The following COL1A1 variants were observed in gnomAD, a reference collection of about 807,000 sequenced individuals.
COL1A1 encodes the protein collagen alpha-1(I) chain.
COL1A1 carries 21 observed loss-of-function variants against 195.7 expected under a neutral mutation model. That is an observed-to-expected ratio of 0.11 (90% CI 0.08 to 0.15). The LOEUF is 0.15. Ranked by LOEUF, COL1A1 falls within the 10% of genes least tolerant of loss-of-function variation. The pLI is 1.00. For synonymous variants in COL1A1, 749 were observed against 747.3 expected, an observed-to-expected ratio of 1.00 and a Z score of -0.04; for missense variants, 1,365 against 2,051.0, an observed-to-expected ratio of 0.67 and a Z score of 6.46.
chr17:50,196,392 A>T lies in COL1A1; in HGVS notation c.904-25T>A. On this transcript the variant is annotated intron_variant, in intron 13 of 50. Transcript: ENST00000225964. ...CCTGACAACCAAACCAAGAGAAGTC[A>T]GATGAGATGGGAGACAGCCTTGTTC... The T allele has an allele frequency of 3.1e-6, 5 of 1,614,084 alleles. No individual in the cohort carries two copies. Among genetic ancestry groups the T allele is most frequent in the Non-Finnish European group, 3.4e-6 (4 of 1,179,958 alleles).
chr17:50,190,614 G>A lies in COL1A1; in HGVS notation c.2344-18C>T, dbSNP rs1283280581. ...CTTTCACCCTGAGAGCAAGGGACAA[G>A]AGGCTCAGGGTCAGGGCCTCCCCTG... On this transcript the variant is annotated intron_variant, in intron 33 of 50. Transcript: ENST00000225964. The surrounding 1 kb of genome is among the most constrained non-coding windows in gnomAD (Gnocchi z 4.7). 9.3e-6 allele frequency: 15 copies of A among 1,612,686 alleles called. No individual in the cohort carries two copies. Among genetic ancestry groups the A allele is most frequent in the Non-Finnish European group, 1.2e-5 (14 of 1,179,184 alleles).
chr17:50,198,299 C>A (rs1025305044), intron 6 of COL1A1, 94 bp from the exon 7 acceptor site: 2 of 1,566,930 alleles, frequency 1.3e-6, no homozygotes, highest in Non-Finnish European at 1.8e-6. Flanking sequence ...ACCCAGTCGT[C>A]CTGCATCCTT....
In COL1A1 at chr17:50,194,927, TG is replaced by T; in HGVS notation, c.1354-100del. The T allele has an allele frequency of 4.1e-6, 6 of 1,476,340 alleles. No individual in the cohort carries two copies. The highest frequency in any genetic ancestry group is 4.7e-6 in the Non-Finnish European group (5 of 1,063,814). 91.5% of individuals were successfully genotyped at this position (1,476,340 alleles called of 1,614,324 possible). Reference sequence around the variant, plus strand: ...CTGGGCCTCCAGTGTCAGGGGTTCCTGGGGGTGTGGCAGGGACTCCCCCAGA... The same window carrying T: ...CTGGGCCTCCAGTGTCAGGGGTTCCTGGGGTGTGGCAGGGACTCCCCCAGA... On this transcript the variant is annotated intron_variant, in intron 20 of 50. Transcript: ENST00000225964. This position sits in a 1 kb window ranked among gnomAD's most constrained non-coding sequence, Gnocchi z 6.8.
At chr17:50,192,179 C>T (rs893654543) in intron 29 of COL1A1, 155 bp from the exon 30 acceptor site, 17 of 851,104 alleles carry the variant, frequency 2.0e-5, no homozygotes, top group Non-Finnish European at 3.0e-5. Context: ...CCCCTCTCTT[C>T]CTCCTAGGGA....
rs1013668710 is a variant in COL1A1 at position 50,184,803 on chromosome 17, G to A, written c.*699C>T. ...GGATTGACACGCGTTCCCCAAATCC[G>A]ATGTTTCTGCTTTGTCGTGGCCCTT... On this transcript the variant is annotated 3_prime_UTR_variant, in exon 51 of 51. Coordinates refer to ENST00000225964, the MANE Select transcript of COL1A1 (RefSeq NM_000088.4). The A allele has an allele frequency of 1.5e-5, 3 of 197,582 alleles. No individual in the cohort carries two copies. Among genetic ancestry groups the A allele is most frequent in the East Asian group, 1.3e-4 (2 of 15,652 alleles). 12.2% of individuals were successfully genotyped at this position (197,582 alleles called of 1,614,324 possible).
Position 50,191,962 on chromosome 17 carries a change from CGA to C in COL1A1, c.2028+16_2028+17del. The C allele has an allele frequency of 1.2e-6, 2 of 1,611,648 alleles. No individual in the cohort carries two copies. The highest frequency in any genetic ancestry group is 1.7e-4 in the Middle Eastern group (1 of 6,050). On this transcript the variant is annotated intron_variant, in intron 30 of 50. Transcript: ENST00000225964. ...GTACGACGCACCTTGACGGATGCAG[CGA>C]GAGAGGCCTACTTACTCTTGCTCCA... is the stretch of plus-strand genomic sequence containing the variant.
rs1458162711 is a variant in COL1A1 at position 50,194,163 on chromosome 17, G to A, written c.1635C>T (p.Gly545=). 1 of 1,613,812 alleles carries A rather than the reference G, an allele frequency of 6.2e-7. No homozygotes were observed. Residue 545 remains glycine, a synonymous_variant, in exon 24 of 51, where the codon GGC becomes GGT. Coordinates refer to ENST00000225964, the MANE Select transcript of COL1A1 (RefSeq NM_000088.4). The surrounding 1 kb of genome is among the most constrained non-coding windows in gnomAD (Gnocchi z 6.8). ...PGAKGLTGSP[G]SPGPDGKTGP... is the part of the protein sequence containing the mutation. Reference sequence around the variant, plus strand: ...CAGTTTTGCCATCAGGACCAGGGCTGCCAGGGCTTCCAGTCAGACCCTAGG... The same window carrying A: ...CAGTTTTGCCATCAGGACCAGGGCTACCAGGGCTTCCAGTCAGACCCTAGG...
chr17:50,194,577 G>A lies in COL1A1; in HGVS notation c.1511C>T (p.Pro504Leu). 1 of 1,586,706 alleles carries A rather than the reference G, an allele frequency of 6.3e-7. No homozygotes were observed. Among genetic ancestry groups the A allele is most frequent in the Non-Finnish European group, 8.6e-7 (1 of 1,166,474 alleles). The change falls in exon 22 of 51, where the codon CCC becomes CTC. Residue 504 changes from proline to leucine, a missense_variant. Physicochemically the swap from Pro to Leu is moderately conservative, Grantham distance 98. Transcript: ENST00000225964. The surrounding 1 kb of genome is among the most constrained non-coding windows in gnomAD (Gnocchi z 6.8). ...GFPGADGVAG[P>L]KGPAGERGSP... Reference sequence around the variant, plus strand: ...CCGGCCGCAAGGAGAGGTTACCTTGGGACCAGCAACACCATCTGCGCCAGG... The same window carrying A: ...CCGGCCGCAAGGAGAGGTTACCTTGAGACCAGCAACACCATCTGCGCCAGG...
chr17:50,189,821 G>A lies in COL1A1; in HGVS notation c.2613+38C>T. The A allele has an allele frequency of 6.2e-7, 1 of 1,612,498 alleles. No homozygotes were observed. The highest frequency in any genetic ancestry group is 8.5e-7 in the Non-Finnish European group (1 of 1,179,152). On this transcript the variant is annotated intron_variant, in intron 37 of 50. Coordinates refer to ENST00000225964, the MANE Select transcript of COL1A1 (RefSeq NM_000088.4). This position sits in a 1 kb window ranked among gnomAD's most constrained non-coding sequence, Gnocchi z 5.5. ...CTCACCTGCCACCGCTGCCTGGGGA[G>A]AGGGGAGAGGCTCAACAGAGAGGCG...
At chr17:50,187,787 T>C in intron 45 of COL1A1, 89 bp downstream of exon 45, 1 of 1,270,200 alleles carries the variant, frequency 7.9e-7, no homozygotes, top group Non-Finnish European at 1.1e-6. Flanking sequence ...GGGGAAAGAA[T>C]GACTATCCAG....
Position 50,194,108 on chromosome 17 carries a change from G to C in COL1A1, c.1668+22C>G, listed in dbSNP as rs1442457728. The C allele has an allele frequency of 6.2e-7, 1 of 1,612,540 alleles. No individual in the cohort carries two copies. Among genetic ancestry groups the C allele is most frequent in the Non-Finnish European group, 8.5e-7 (1 of 1,178,714 alleles). On this transcript the variant is annotated intron_variant, in intron 24 of 50. Coordinates refer to ENST00000225964, the MANE Select transcript of COL1A1 (RefSeq NM_000088.4). The surrounding 1 kb of genome is among the most constrained non-coding windows in gnomAD (Gnocchi z 6.8). ...GAGGCAGACAGGACAATGGCAGGGGGTTCAGGGGGAGTGATACTTACAGGG... is the reference window on the plus strand; with the variant it reads ...GAGGCAGACAGGACAATGGCAGGGGCTTCAGGGGGAGTGATACTTACAGGG...
chr17:50,199,073 G>C lies in COL1A1; in HGVS notation c.471+153C>G, dbSNP rs560264050. Among the ~76,000 whole-genome samples the C allele has an allele frequency of 5.3e-5, 8 of 152,342 alleles. No individual in the cohort carries two copies. In the South Asian group the frequency reaches 1.2e-3, roughly 24 times the overall value. On this transcript the variant is annotated intron_variant, in intron 5 of 50. Coordinates refer to ENST00000225964, the MANE Select transcript of COL1A1 (RefSeq NM_000088.4). ...ATAAACAGAGACTAATAAAGCACAT[G>C]TCACAAACTGTGAAGGGTATGTGAG...
At chr17:50,201,299 T>C in intron 1 of COL1A1, 112 bp downstream of exon 1, 3 of 995,320 alleles carry the variant, frequency 3.0e-6, no homozygotes, top group Non-Finnish European at 4.6e-6. Flanking sequence ...TCATCTCCCT[T>C]CCATTCCCGA....
Position 50,186,039 on chromosome 17 carries a change from AG to A in COL1A1, c.4006-20del, listed in dbSNP as rs1194886388. ...ACTCGAACTGCAGGGGAGGGGAGAG[AG>A]GGAAGAGTGAGCCGCTATGCGGGAA... On this transcript the variant is annotated intron_variant, in intron 49 of 50. Transcript: ENST00000225964. The surrounding 1 kb of genome is among the most constrained non-coding windows in gnomAD (Gnocchi z 5.3). 5.0e-6 allele frequency: 8 copies of A among 1,611,176 alleles called. No individual in the cohort carries two copies. Among genetic ancestry groups the A allele is most frequent in the Admixed American group, 1.7e-5 (1 of 60,008 alleles).
Position 50,185,997 on chromosome 17 carries a change from G to A in COL1A1, c.4029C>T (p.Ser1343=), listed in dbSNP as rs770279565. 16 of 1,612,688 alleles carry A rather than the reference G, an allele frequency of 9.9e-6. No homozygotes were observed. The highest frequency in any genetic ancestry group is 5.3e-5 in the African/African-American group (4 of 74,918). Residue 1343 remains serine, a synonymous_variant, in exon 50 of 51, where the codon TCC becomes TCT. Transcript: ENST00000225964. The stretch of plus-strand genomic sequence containing the variant: ...GCTGGATGGCCACATCGGCAGGGTC[G>A]GAGCCCTGGCCGCCATACTCGAACT... ...GFQFEYGGQG[S]DPADVAIQLT...
chr17:50,191,638 A>AG, intron 31 of COL1A1, 148 bp from the exon 32 acceptor site: 1 of 1,103,114 alleles, frequency 9.1e-7, no homozygotes, highest in East Asian at 2.5e-5. Context: ...CCCAGACTCC[A>AG]GGCTGTGTGT....
At chr17:50,187,803 G>A in intron 45 of COL1A1, 73 bp downstream of exon 45, 8 of 1,371,104 alleles carry the variant, frequency 5.8e-6, no homozygotes, top group Non-Finnish European at 7.1e-6. Context: ...TCCAGAGGGG[G>A]AAACTGAGGC....
At chr17:50,187,801 G>C in intron 45 of COL1A1, 75 bp downstream of exon 45, 2 of 1,347,888 alleles carry the variant, frequency 1.5e-6, no homozygotes, top group Non-Finnish European at 2.1e-6. Flanking sequence ...TATCCAGAGG[G>C]GGAAACTGAG....
Position 50,186,496 on chromosome 17 carries a change from T to C in COL1A1, c.3826A>G (p.Ile1276Val). 1 of 1,614,022 alleles carries C rather than the reference T, an allele frequency of 6.2e-7. No homozygotes were observed. Among genetic ancestry groups the C allele is most frequent in the Non-Finnish European group, 8.5e-7 (1 of 1,180,004 alleles). ...HSDWKSGEYWIDPNQGCNLDA... is the reference protein window; with the variant it reads ...HSDWKSGEYWVDPNQGCNLDA... ...AGGTTGCAGCCTTGGTTGGGGTCAA[T>C]CCAGTACTCTCCTGTGGTAGGGCAG... The change falls in exon 49 of 51, where the codon ATT becomes GTT. Residue 1276 changes from isoleucine to valine, a missense_variant. Physicochemically the swap from Ile to Val is conservative, Grantham distance 29 (BLOSUM62 3). Transcript: ENST00000225964. The surrounding 1 kb of genome is among the most constrained non-coding windows in gnomAD (Gnocchi z 5.3).
Sources: gnomAD v4.1 joint callset for allele counts (sites outside exome capture counted in the v4.1 genomes callset) on GRCh38, gnomAD v4.1.1 for gene constraint, Gnocchi (gnomAD v3.1) non-coding constraint, MANE v1.5 for transcripts, NCBI Gene and HGNC (gene_info 2026-07-23, HGNC 2026-07-21) for gene names.